TNIP3: variants seen among roughly 807,000 people sequenced by gnomAD.
The protein encoded by TNIP3 is TNFAIP3 interacting protein 3, also known as TNFAIP3-interacting protein 3.
A neutral mutation model predicts 54.1 loss-of-function variants in TNIP3; 34 were observed. That is an observed-to-expected ratio of 0.63 (90% CI 0.48 to 0.84). The LOEUF (loss-of-function observed/expected upper bound fraction) is 0.84, where lower values mean the gene tolerates loss of function less well. Among genes scored for constraint, TNIP3 ranks in the 40% least tolerant of loss-of-function variants. The pLI is 0.00. For missense variants in TNIP3, 366 were observed against 387.6 expected (o/e 0.94, Z 0.47); for synonymous variants, 134 against 136.8 (o/e 0.98, Z 0.14).
chr4:121,218,377 T>G (rs1371336544), upstream of TNIP3, among the ~76,000 whole-genome samples: 1 of 152,214 alleles, frequency 6.6e-6, no homozygotes, highest in African/African-American at 2.4e-5. Context: ...CTGAACATTG[T>G]ATTTCCTTCC....
At chr4:121,178,915 C>A (rs1724520507) in intron 3 of TNIP3, among the ~76,000 whole-genome samples, 1 of 151,930 alleles carries the variant, frequency 6.6e-6, no homozygotes, top group Non-Finnish European at 1.5e-5. Context: ...CACATAGATA[C>A]ATAAGTGATC....
chr4:121,150,479 C>T (rs1053290683), intron 5 of TNIP3, among the ~76,000 whole-genome samples: 2 of 152,098 alleles, frequency 1.3e-5, no homozygotes, highest in Non-Finnish European at 1.5e-5. Flanking sequence ...GACCCTCCTC[C>T]TCCACCTAGC....
At chr4:121,151,050 T>C (rs6855628) in intron 5 of TNIP3, among the ~76,000 whole-genome samples, 53,191 of 152,118 alleles carry the variant, frequency 0.35, 11,248 homozygotes, top group African/African-American at 0.6. Flanking sequence ...TGTTTGGTAA[T>C]ATCATATGAA....
chr4:121,159,426 C>T (rs1194584439), intron 2 of TNIP3, among the ~76,000 whole-genome samples: 2 of 152,134 alleles, frequency 1.3e-5, no homozygotes, highest in East Asian at 3.8e-4. Flanking sequence ...TGATGATTGT[C>T]TGTAAGATTT....
At chr4:121,153,593 C>G (rs1487606488) in intron 5 of TNIP3, among the ~76,000 whole-genome samples, 1 of 152,164 alleles carries the variant, frequency 6.6e-6, no homozygotes, top group East Asian at 1.9e-4. Flanking sequence ...TCCTCATTTT[C>G]CCATTTTCTC....
intron 10 of TNIP3, chr4:121,137,390 A>T (rs1287873556): frequency 6.6e-6 from 1 of 152,230 alleles, no homozygotes; most frequent in Non-Finnish European, 1.5e-5. Flanking sequence ...CAAGAACTTC[A>T]TTAAAACCAC....
chr4:121,158,629 A>C, intron 3 of TNIP3, 58 bp downstream of exon 3: 1 of 1,354,994 alleles, frequency 7.4e-7, no homozygotes, highest in African/African-American at 1.4e-5. Context: ...TCTTCACACA[A>C]TTGGCCCCAC....
At position 121,147,077 on chromosome 4, in the gene TNIP3, T is replaced by C; in HGVS notation, c.707A>G (p.Gln236Arg). 6.2e-7 allele frequency: 1 copy of C among 1,613,244 alleles called. No homozygotes were observed. The highest frequency in any genetic ancestry group is 8.5e-7 in the Non-Finnish European group (1 of 1,179,524). Residue 236 changes from glutamine to arginine, a missense_variant, in exon 7 of 11, where the codon CAA becomes CGA. Transcript: ENST00000057513. ...GGAATTCAGCCTGTTCAACTGGGAT[T>C]GGGAAGTTTCATTAATTTGCTGTAG... ...EELQQINETS[Q>R]SQLNRLNSQI...
At chr4:121,133,352 G>C (rs1579355843) in intron 10 of TNIP3, among the ~76,000 whole-genome samples, 2 of 152,152 alleles carry the variant, frequency 1.3e-5, no homozygotes, top group Non-Finnish European at 2.9e-5. Context: ...TTTGGTAACA[G>C]AAAAAGCAAA....
chr4:121,220,632 T>C (rs1266577747), upstream of TNIP3, among the ~76,000 whole-genome samples: 1 of 152,198 alleles, frequency 6.6e-6, no homozygotes, highest in Non-Finnish European at 1.5e-5. Flanking sequence ...CATCGGCTTA[T>C]ATACATTTTA....
intron 2 of TNIP3, chr4:121,216,384 A>C (rs764638949): frequency 1.3e-4 from 197 of 1,495,094 alleles, no homozygotes; most frequent in Middle Eastern, 1.9e-4. Context: ...TAGTATTAGA[A>C]GCATATAATC....
At chr4:121,162,131 C>CA (rs1730490990) in intron 1 of TNIP3, among the ~76,000 whole-genome samples, 2 of 152,140 alleles carry the variant, frequency 1.3e-5, no homozygotes, top group Non-Finnish European at 2.9e-5. Flanking sequence ...GAAATATTTT[C>CA]AAAACATGTT....
At chr4:121,175,164 G>A (rs1724233832) in intron 3 of TNIP3, among the ~76,000 whole-genome samples, 1 of 152,068 alleles carries the variant, frequency 6.6e-6, no homozygotes, top group Non-Finnish European at 1.5e-5. Context: ...TAACCCACAG[G>A]CTTATGCTGT....
In TNIP3 at chr4:121,161,208, T is replaced by C; in HGVS notation, c.75A>G (p.Glu25=). Residue 25 remains glutamate, a synonymous_variant, in exon 2 of 11, where the codon GAA becomes GAG. Transcript: ENST00000057513. ...TCATCAAGTTCTTTCTTGTTGATGGTTCAGCACACTTAGAAAAAAAAAAAG... is the reference window on the plus strand; with the variant it reads ...TCATCAAGTTCTTTCTTGTTGATGGCTCAGCACACTTAGAAAAAAAAAAAG... ...ESSTEHKECA[E]PSTRKNLMNS... 6.3e-7 allele frequency: 1 copy of C among 1,574,942 alleles called. No homozygotes were observed. The highest frequency in any genetic ancestry group is 8.6e-7 in the Non-Finnish European group (1 of 1,159,160).
chr4:121,206,992 G>A (rs975480683), intron 2 of TNIP3, among the ~76,000 whole-genome samples: 2 of 152,068 alleles, frequency 1.3e-5, no homozygotes, highest in East Asian at 3.8e-4. Context: ...TTCAAATATA[G>A]ACTCCAAAGG....
chr4:121,132,502 T>C lies in TNIP3; in HGVS notation c.*129A>G. ...CCTGTATTCATACCAAAGGAAAACA[T>C]GACCAGGCACAAATAACAGGGTAGA... On this transcript the variant is annotated 3_prime_UTR_variant, in exon 11 of 11. Coordinates refer to ENST00000057513, the MANE Select transcript of TNIP3 (RefSeq NM_024873.6). 3 of 833,344 alleles carry C rather than the reference T, an allele frequency of 3.6e-6. No individual in the cohort carries two copies. The highest frequency in any genetic ancestry group is 2.3e-4 in the Middle Eastern group (1 of 4,324). 51.6% of individuals were successfully genotyped at this position (833,344 alleles called of 1,614,324 possible). A position where few individuals can be genotyped will look rare whatever the true frequency, so the allele number is the denominator to read the frequency against.
intron 2 of TNIP3, among the ~76,000 whole-genome samples, chr4:121,198,553 G>GA (rs1240973454): frequency 6.6e-6 from 1 of 152,006 alleles, no homozygotes; most frequent in African/African-American, 2.4e-5. Context: ...GAACAAAACA[G>GA]AAAAAAATCC....
At chr4:121,170,810 G>A (rs578255396) in intron 3 of TNIP3, among the ~76,000 whole-genome samples, 5 of 151,980 alleles carry the variant, frequency 3.3e-5, no homozygotes, top group East Asian at 1.9e-4. Context: ...TTCTTTGCTC[G>A]GTAAGAGATA....
upstream of TNIP3, among the ~76,000 whole-genome samples, chr4:121,164,861 C>T (rs1014632247): frequency 6.6e-6 from 1 of 152,066 alleles, no homozygotes; most frequent in African/African-American, 2.4e-5. Context: ...TCCAGATTGT[C>T]TCCATGACTC....
Sources: allele counts gnomAD v4.1 joint callset (sites outside exome capture counted in the v4.1 genomes callset), GRCh38; gene constraint gnomAD v4.1.1; transcripts MANE v1.5; gene names NCBI Gene and HGNC (gene_info 2026-07-23, HGNC 2026-07-21).